The following ACOX3 variants were observed in gnomAD, a reference collection of about 807,000 sequenced individuals.
ACOX3 encodes the protein peroxisomal acyl-coenzyme A oxidase 3.
In ACOX3, 73 loss-of-function variants were observed where a neutral mutation model predicts 81.5. That is an observed-to-expected ratio of 0.90 (90% CI 0.74 to 1.09). The LOEUF (loss-of-function observed/expected upper bound fraction) is 1.09, where lower values mean the gene tolerates loss of function less well. Ranked by LOEUF, ACOX3 falls within the 50% of genes least tolerant of loss-of-function variation. ACOX3 has a pLI of 0.00. For synonymous variants in ACOX3, 387 were observed against 375.1 expected (o/e 1.03, Z -0.37); for missense variants, 947 against 928.0 (o/e 1.02, Z -0.27).
At chr4:8,422,617 T>C (rs192597532) in intron 1 of ACOX3, among the ~76,000 whole-genome samples, 52 of 152,346 alleles carry the variant, frequency 3.4e-4, no homozygotes, top group African/African-American at 1.2e-3. Context: ...CTCAATTCGC[T>C]TTCATCCTGA....
rs1328855937 is a variant in ACOX3 at position 8,406,973 on chromosome 4, G to C, written c.688-930C>G. Among the ~76,000 whole-genome samples, 1 of 152,124 alleles carries C rather than the reference G, an allele frequency of 6.6e-6. No homozygotes were observed. The highest frequency in any genetic ancestry group is 1.5e-5 in the Non-Finnish European group (1 of 68,008). ...TTCTCTAAACTCCCCCAGGGAAAGG[G>C]AGACTCCCTTTCCCAGTCTGCTAAG... On this transcript the variant is annotated intron_variant, in intron 6 of 17. Transcript: ENST00000356406. The surrounding 1 kb of genome is among the most constrained non-coding windows in gnomAD (Gnocchi z 5.6).
rs568881263 is a variant in ACOX3, at chr4:8,416,712, G to T, written c.-14-177C>A. On this transcript the variant is annotated intron_variant, in intron 1 of 17. Transcript: ENST00000356406. The surrounding 1 kb of genome is among the most constrained non-coding windows in gnomAD (Gnocchi z 4.2). ...TAGCATCATTTTCCCAGAAGAAAAG[G>T]CGAGAAGAATTCCCTCGTCCACTCC... Among the ~76,000 whole-genome samples the T allele has an allele frequency of 6.6e-6, 1 of 152,364 alleles. No individual in the cohort carries two copies. Among genetic ancestry groups the T allele is most frequent in the South Asian group, 2.1e-4 (1 of 4,826 alleles).
chr4:8,393,490 AAAACAAAC>A (rs138758419), intron 10 of ACOX3, among the ~76,000 whole-genome samples: 15 of 130,462 alleles, frequency 1.1e-4, no homozygotes, highest in African/African-American at 4.3e-4. Context: ...CTCCGTCTCA[AAAACAAAC>A]AAACAAACAA....
intron 11 of ACOX3, among the ~76,000 whole-genome samples, chr4:8,391,346 G>A (rs535148822): frequency 3.9e-5 from 6 of 152,310 alleles, no homozygotes; most frequent in African/African-American, 1.4e-4. Flanking sequence ...GTGGTGGGCG[G>A]ATGATCGCTG....
chr4:8,391,908 A>C (rs541814664), intron 11 of ACOX3, among the ~76,000 whole-genome samples: 3 of 152,240 alleles, frequency 2.0e-5, no homozygotes, highest in Non-Finnish European at 4.4e-5. Flanking sequence ...ATTCAAACAA[A>C]ACATGGTGCT....
chr4:8,425,396 C>T (rs370687882), intron 1 of ACOX3, among the ~76,000 whole-genome samples: 1 of 151,776 alleles, frequency 6.6e-6, no homozygotes, highest in South Asian at 2.1e-4. Context: ...TGGCTAGCCA[C>T]CGAAGAAGGA....
At position 8,371,229 on chromosome 4, in the gene ACOX3, C is replaced by A. The variant is rs1241087058; in HGVS notation, c.1897-235G>T. On this transcript the variant is annotated intron_variant, in intron 16 of 17. Transcript: ENST00000356406. ...CACTCAGGACTTCTAGGGCTTGTTT[C>A]TTCCCAACAAGGTAGAAAAGGCCCT... Among the ~76,000 whole-genome samples the A allele has an allele frequency of 2.6e-5, 4 of 152,324 alleles. No individual in the cohort carries two copies. In the East Asian group the frequency reaches 7.7e-4, roughly 29 times the overall value.
rs191397481 is a variant in ACOX3 at position 8,432,460 on chromosome 4, C to A, written c.-15+8188G>T. On this transcript the variant is annotated intron_variant, in intron 1 of 17. Transcript: ENST00000356406. This position sits in a 1 kb window ranked among gnomAD's most constrained non-coding sequence, Gnocchi z 6.2. ...GTGTTAGCCAGGATAGTCTCGATCT[C>A]CTGACCTTGTGATCCACCCACCTCG... 1.4e-3 allele frequency among the ~76,000 whole-genome samples: 217 copies of A among 152,252 alleles called. No individual in the cohort carries two copies. Among genetic ancestry groups the A allele is most frequent in the Non-Finnish European group, 2.2e-3 (153 of 68,016 alleles).
Position 8,415,746 on chromosome 4 carries a change from C to A in ACOX3, c.378+20G>T, listed in dbSNP as rs780528692. 3.1e-6 allele frequency: 5 copies of A among 1,609,510 alleles called. No individual in the cohort carries two copies. In the East Asian group the frequency reaches 8.9e-5, roughly 29 times the overall value. On this transcript the variant is annotated intron_variant, in intron 3 of 17. Transcript: ENST00000356406. ...CGCAGCATGAAAGCCGTTTCCCTCT[C>A]CCCTAGGCCGCATGCTCACCAAGCT...
At position 8,382,917 on chromosome 4, in the gene ACOX3, G is replaced by A. The variant is rs540468979; in HGVS notation, c.1538-1310C>T. On this transcript the variant is annotated intron_variant, in intron 13 of 17. Coordinates refer to ENST00000356406, the MANE Select transcript of ACOX3 (RefSeq NM_003501.3). This position sits in a 1 kb window ranked among gnomAD's most constrained non-coding sequence, Gnocchi z 4.1. ...TGAGGCAGGAGAATGGCGTGAACCC[G>A]GGAGGCGGAGTTGCAGTGAGCCGAG... Among the ~76,000 whole-genome samples, 174 of 151,024 alleles carry A rather than the reference G, an allele frequency of 1.2e-3. 1 individual carries two copies. The highest frequency in any genetic ancestry group is 3.2e-3 in the African/African-American group (133 of 41,310).
At position 8,414,868 on chromosome 4, in the gene ACOX3, T is replaced by C; in HGVS notation, c.439A>G (p.Ile147Val). Residue 147 changes from isoleucine to valine, a missense_variant, in exon 4 of 18, where the codon ATC becomes GTC. Coordinates refer to ENST00000356406, the MANE Select transcript of ACOX3 (RefSeq NM_003501.3). This position sits in a 1 kb window ranked among gnomAD's most constrained non-coding sequence, Gnocchi z 6.1. ...CCAGAACTTACCTCCATCCTGAAGA[T>C]CTTTTGAATATATGTGAGATGTCTT... ...SERHLTYIQKIFRMEIFGCFA... is the reference protein window; with the variant it reads ...SERHLTYIQKVFRMEIFGCFA... 1.2e-6 allele frequency: 2 copies of C among 1,614,204 alleles called. No individual in the cohort carries two copies. The highest frequency in any genetic ancestry group is 1.7e-6 in the Non-Finnish European group (2 of 1,180,014).
Position 8,414,452 on chromosome 4 carries a change from T to C in ACOX3, c.454-71A>G. The C allele has an allele frequency of 7.4e-7, 1 of 1,350,038 alleles. No homozygotes were observed. The highest frequency in any genetic ancestry group is 1.2e-5 in the South Asian group (1 of 84,774). The allele number at this position is 1,350,038 out of a possible 1,614,324, so 83.6% of individuals were successfully genotyped here. A position where few individuals can be genotyped will look rare whatever the true frequency, so the allele number is the denominator to read the frequency against. On this transcript the variant is annotated intron_variant, in intron 4 of 17. Transcript: ENST00000356406. The surrounding 1 kb of genome is among the most constrained non-coding windows in gnomAD (Gnocchi z 6.1). ...GTGCACATTCCCAGAAGGACCTCAC[T>C]GCCATCTTTCCTTTAAAGATGAAAC...
chr4:8,369,455 T>G (rs1715876979), intron 17 of ACOX3, among the ~76,000 whole-genome samples: 1 of 152,154 alleles, frequency 6.6e-6, no homozygotes, highest in Admixed American at 6.5e-5. Flanking sequence ...GGCTCTCAGC[T>G]CTCAGCGGCA....
intron 7 of ACOX3, among the ~76,000 whole-genome samples, chr4:8,401,284 G>C (rs1720344512): frequency 6.6e-6 from 1 of 152,132 alleles, no homozygotes; most frequent in Non-Finnish European, 1.5e-5. Context: ...GGGGACCCCT[G>C]CCTACAGAAT....
chr4:8,359,021 T>C, the ACOX3 span, among the ~76,000 whole-genome samples: 5 of 152,104 alleles, frequency 3.3e-5, no homozygotes, highest in African/African-American at 1.2e-4. The surrounding 1 kb of genome is among the most constrained non-coding windows in gnomAD (Gnocchi z 6.0). Flanking sequence ...CTGGTGACCA[T>C]GGAAAGAACC....
intron 6 of ACOX3, among the ~76,000 whole-genome samples, chr4:8,408,821 C>T (rs1288306359): frequency 7.0e-6 from 1 of 143,094 alleles, no homozygotes; most frequent in African/African-American, 2.6e-5. Flanking sequence ...ATCAGAGGCA[C>T]AGGCCACAAC....
intron 1 of ACOX3, among the ~76,000 whole-genome samples, chr4:8,435,088 T>A (rs1030011789): frequency 9.2e-5 from 14 of 152,350 alleles, no homozygotes; most frequent in African/African-American, 3.1e-4. Context: ...AGTCATCTAA[T>A]CATCAAAACT....
At chr4:8,357,384 C>A in the ACOX3 span, 1 of 371,656 alleles carries the variant, frequency 2.7e-6, no homozygotes, top group Non-Finnish European at 5.4e-6. Context: ...TACAATGAAT[C>A]AAATTCTGGG....
At chr4:8,367,183 A>T in intron 17 of ACOX3, 103 bp from the exon 18 acceptor site, 2 of 1,469,674 alleles carry the variant, frequency 1.4e-6, no homozygotes, top group Non-Finnish European at 1.8e-6. Context: ...TTTTTGTTAA[A>T]AACACAGGAA....
Sources: allele counts gnomAD v4.1 joint callset (sites outside exome capture counted in the v4.1 genomes callset), GRCh38; gene constraint gnomAD v4.1.1; non-coding constraint Gnocchi (gnomAD v3.1); transcripts MANE v1.5; gene names NCBI Gene and HGNC (gene_info 2026-07-23, HGNC 2026-07-21).